Variants in NAA11 observed in about 807,000 individuals in gnomAD.
The protein encoded by NAA11 is N-alpha-acetyltransferase 11, NatA catalytic subunit, also known as N-alpha-acetyltransferase 11.
Under a neutral mutation model 16.1 loss-of-function variants are expected in NAA11, and 15 were observed. That is an observed-to-expected ratio of 0.93 (90% CI 0.62 to 1.44). The LOEUF is 1.44. Ranked by LOEUF, NAA11 falls within the 40% of genes most tolerant of loss-of-function variation. NAA11 has a pLI of 0.00. For synonymous variants in NAA11, 122 were observed against 112.4 expected (o/e 1.09, Z -0.54); for missense variants, 298 against 291.3 (o/e 1.02, Z -0.17).
the NAA11 span, among the ~76,000 whole-genome samples, chr4:79,157,725 G>A: frequency 2.0e-5 from 3 of 151,646 alleles, no homozygotes; most frequent in Non-Finnish European, 4.4e-5. Flanking sequence ...ATACTGAATG[G>A]GGAAAAGTTA....
rs542478437 is a variant in NAA11, at chr4:79,276,404, GCTCTC to G, written c.*122+17596_*122+17600del. Reference sequence around the variant, plus strand: ...AGCCTGGAGTAATAAGTCTTACCAAGCTCTCTCTCTGCTATATCCCGAAGTTCGCC... The same window carrying G: ...AGCCTGGAGTAATAAGTCTTACCAAGTCTCTGCTATATCCCGAAGTTCGCC... On this transcript the variant is annotated intron_variant and NMD_transcript_variant, in intron 2 of 2. Coordinates refer to the NAA11 transcript ENST00000511542. Among the ~76,000 whole-genome samples, 115 of 152,154 alleles carry G rather than the reference GCTCTC, an allele frequency of 7.6e-4. 1 individual carries two copies. Among genetic ancestry groups the G allele is most frequent in the African/African-American group, 2.6e-3 (110 of 41,526 alleles).
chr4:79,281,731 T>G (rs974198477), intron 2 of NAA11, among the ~76,000 whole-genome samples: 1 of 152,208 alleles, frequency 6.6e-6, no homozygotes, highest in Admixed American at 6.5e-5. Flanking sequence ...ACATCCCTAT[T>G]ATCTGCCACA....
intron 2 of NAA11, among the ~76,000 whole-genome samples, chr4:79,260,934 A>G (rs1351289355): frequency 1.3e-5 from 2 of 152,242 alleles, no homozygotes; most frequent in South Asian, 2.1e-4. Flanking sequence ...AAAATATTAC[A>G]TCTATGGTGT....
At chr4:79,284,283 G>A (rs1018453326) in intron 2 of NAA11, among the ~76,000 whole-genome samples, 3 of 152,068 alleles carry the variant, frequency 2.0e-5, no homozygotes, top group Non-Finnish European at 2.9e-5. Flanking sequence ...TCCCACCAAA[G>A]TCAATGCTTA....
chr4:79,204,554 C>A, the NAA11 span, among the ~76,000 whole-genome samples: 4 of 150,746 alleles, frequency 2.7e-5, no homozygotes, highest in African/African-American at 9.8e-5. Context: ...TCCCTCCGTC[C>A]CTTCCTTCTC....
chr4:79,244,482 G>C (rs1435316316), intron 2 of NAA11, among the ~76,000 whole-genome samples: 2 of 152,056 alleles, frequency 1.3e-5, no homozygotes, highest in East Asian at 3.8e-4. Context: ...ACTGAAATTG[G>C]AGTAAATGTT....
chr4:79,189,204 A>C, the NAA11 span, among the ~76,000 whole-genome samples: 11 of 147,306 alleles, frequency 7.5e-5, no homozygotes, highest in South Asian at 1.1e-3. Flanking sequence ...AGACAAGAGG[A>C]GAACTGAGAT....
chr4:79,199,940 G>A, the NAA11 span, among the ~76,000 whole-genome samples: 1 of 151,824 alleles, frequency 6.6e-6, no homozygotes, highest in Non-Finnish European at 1.5e-5. Flanking sequence ...TTATGGTCAG[G>A]TGACCATGAA....
At chr4:79,223,901 A>T (rs1315009106), downstream of NAA11, among the ~76,000 whole-genome samples, 2 of 152,136 alleles carry the variant, frequency 1.3e-5, no homozygotes, top group African/African-American at 2.4e-5. Flanking sequence ...TATATATGAC[A>T]GTATGCATAG....
chr4:79,306,132 C>T (rs902398940), intron 1 of NAA11, among the ~76,000 whole-genome samples: 1 of 152,164 alleles, frequency 6.6e-6, no homozygotes, highest in Non-Finnish European at 1.5e-5. Flanking sequence ...CAATGAAAAG[C>T]TGGATGTCTG....
intron 2 of NAA11, among the ~76,000 whole-genome samples, chr4:79,253,880 GA>G (rs1242482807): frequency 3.3e-5 from 5 of 152,230 alleles, no homozygotes; most frequent in African/African-American, 1.2e-4. Context: ...TGTCAAAATA[GA>G]TGAGCTTTCT....
chr4:79,172,464 A>G, the NAA11 span, among the ~76,000 whole-genome samples: 6 of 152,254 alleles, frequency 3.9e-5, no homozygotes, highest in Middle Eastern at 3.4e-3. Context: ...ACACTTCCCT[A>G]CAGATGCCAG....
At chr4:79,243,526 C>A (rs1371219527) in intron 2 of NAA11, among the ~76,000 whole-genome samples, 1 of 152,060 alleles carries the variant, frequency 6.6e-6, no homozygotes, top group Non-Finnish European at 1.5e-5. Flanking sequence ...TCCATGAGAG[C>A]AATCTCTTTT....
the NAA11 span, among the ~76,000 whole-genome samples, chr4:79,155,966 A>G: frequency 0.015 from 2,223 of 152,316 alleles, 57 homozygotes; most frequent in African/African-American, 0.051. Flanking sequence ...GTTACAAGGC[A>G]GGTGAGTCAA....
intron 2 of NAA11, among the ~76,000 whole-genome samples, chr4:79,271,743 C>T (rs1283264093): frequency 6.6e-6 from 1 of 151,870 alleles, no homozygotes; most frequent in Non-Finnish European, 1.5e-5. Flanking sequence ...AAATATTGTA[C>T]AGTAGAAATT....
At chr4:79,239,625 G>A (rs560783551) in intron 2 of NAA11, among the ~76,000 whole-genome samples, 16 of 152,164 alleles carry the variant, frequency 1.1e-4, no homozygotes, top group South Asian at 1.0e-3. Flanking sequence ...GCTTGAACCC[G>A]GAAGGCGGAG....
At chr4:79,256,760 C>G (rs1722122198) in intron 2 of NAA11, among the ~76,000 whole-genome samples, 1 of 150,926 alleles carries the variant, frequency 6.6e-6, no homozygotes, top group Admixed American at 6.6e-5. Flanking sequence ...TCAAGCAATT[C>G]TTATGCCTCA....
At chr4:79,318,351 G>T (rs1482607067) in intron 1 of NAA11, among the ~76,000 whole-genome samples, 1 of 152,102 alleles carries the variant, frequency 6.6e-6, no homozygotes, top group Admixed American at 6.6e-5. Flanking sequence ...ATTACATCAG[G>T]TAAGAGGAAG....
At chr4:79,296,316 T>A (rs947036639) in intron 1 of NAA11, among the ~76,000 whole-genome samples, 1 of 152,360 alleles carries the variant, frequency 6.6e-6, no homozygotes, top group South Asian at 2.1e-4. Context: ...CTTAAAACTA[T>A]GAAGCCAAGC....
Sources: allele counts gnomAD v4.1 joint callset (sites outside exome capture counted in the v4.1 genomes callset), GRCh38; gene constraint gnomAD v4.1.1; transcripts MANE v1.5; gene names NCBI Gene and HGNC (gene_info 2026-07-23, HGNC 2026-07-21).